ROBO1: variants seen among roughly 807,000 people sequenced by gnomAD.
ROBO1 encodes the protein roundabout homolog 1.
ROBO1 carries 149 observed loss-of-function variants against 195.9 expected under a neutral mutation model. The observed-to-expected ratio is 0.76, with a 90% confidence interval of 0.67 to 0.87. ROBO1 has a LOEUF of 0.87. Ranked by LOEUF, ROBO1 falls within the 40% of genes least tolerant of loss-of-function variation. The pLI is 0.00. For synonymous variants in ROBO1, 816 were observed against 733.2 expected (o/e 1.11, Z -1.82); for missense variants, 1,933 against 2,068.3 (o/e 0.93, Z 1.27).
chr3:79,534,616 T>G (rs1479356461), intron 2 of ROBO1, among the ~76,000 whole-genome samples: 1 of 152,194 alleles, frequency 6.6e-6, no homozygotes, highest in African/African-American at 2.4e-5. Flanking sequence ...TCTTAATCAT[T>G]TCTTTTATAC....
At chr3:79,435,223 T>C (rs150307838) in intron 2 of ROBO1, among the ~76,000 whole-genome samples, 1,630 of 152,074 alleles carry the variant, frequency 0.011, 30 homozygotes, top group African/African-American at 0.037. Flanking sequence ...AAAAAATAAA[T>C]AAATAAAAAT....
intron 4 of ROBO1, among the ~76,000 whole-genome samples, chr3:78,851,161 T>C (rs2034038865): frequency 1.3e-5 from 2 of 152,132 alleles, no homozygotes; most frequent in Non-Finnish European, 2.9e-5. Context: ...GTCCTTCTTA[T>C]TGGTCTATTT....
intron 4 of ROBO1, among the ~76,000 whole-genome samples, chr3:78,812,699 GTTC>G (rs2108634561): frequency 6.6e-6 from 1 of 152,006 alleles, no homozygotes; most frequent in South Asian, 2.1e-4. Context: ...AATCTGCTTT[GTTC>G]TTTTGTCACC....
chr3:79,685,232 G>A (rs1947065694), intron 1 of ROBO1, among the ~76,000 whole-genome samples: 1 of 152,114 alleles, frequency 6.6e-6, no homozygotes, highest in Non-Finnish European at 1.5e-5. Context: ...CCTTTTCTGA[G>A]GGCCTCTGTG....
chr3:78,970,549 C>G (rs1479767033), intron 3 of ROBO1, among the ~76,000 whole-genome samples: 1 of 152,014 alleles, frequency 6.6e-6, no homozygotes, highest in Non-Finnish European at 1.5e-5. Context: ...ATCACTTCCC[C>G]AAATCTGAAA....
At chr3:78,961,994 T>C (rs1388440333) in intron 3 of ROBO1, among the ~76,000 whole-genome samples, 1 of 151,910 alleles carries the variant, frequency 6.6e-6, no homozygotes, top group Non-Finnish European at 1.5e-5. Context: ...TCTTCATCCA[T>C]AAAATGAGGT....
chr3:79,628,298 C>T (rs1401959312), intron 1 of ROBO1, among the ~76,000 whole-genome samples: 1 of 152,142 alleles, frequency 6.6e-6, no homozygotes, highest in African/African-American at 2.4e-5. Context: ...GAATACTATG[C>T]TGCCATAAAA....
chr3:79,162,731 A>G (rs1442559599), intron 2 of ROBO1, among the ~76,000 whole-genome samples: 1 of 152,166 alleles, frequency 6.6e-6, no homozygotes, highest in Non-Finnish European at 1.5e-5. Flanking sequence ...AGTATCTGTG[A>G]AACATTGTCT....
chr3:78,602,040 G>A (rs1300503046), intron 29 of ROBO1, among the ~76,000 whole-genome samples: 1 of 35,542 alleles, frequency 2.8e-5, no homozygotes, highest in Non-Finnish European at 6.2e-5. Context: ...TCATTCATGT[G>A]TGTGAGTGTG....
chr3:78,848,857 T>TGGGCAGAGAAAGCCA (rs1434919947), intron 4 of ROBO1, among the ~76,000 whole-genome samples: 3 of 152,074 alleles, frequency 2.0e-5, no homozygotes, highest in Non-Finnish European at 4.4e-5. Flanking sequence ...GTGTGGGGGC[T>TGGGCAGAGAAAGCCA]GGGCAGAGAA....
intron 2 of ROBO1, among the ~76,000 whole-genome samples, chr3:79,187,532 C>T (rs2081462517): frequency 6.6e-6 from 1 of 151,904 alleles, no homozygotes; most frequent in Non-Finnish European, 1.5e-5. Flanking sequence ...TAAATTTTGT[C>T]CAACACTGAA....
intron 4 of ROBO1, among the ~76,000 whole-genome samples, chr3:78,917,391 T>C (rs1559997859): frequency 6.6e-6 from 1 of 152,126 alleles, no homozygotes; most frequent in Non-Finnish European, 1.5e-5. Context: ...AAATATAAAG[T>C]ATTTTATTAA....
chr3:78,986,733 G>A (rs893109259), intron 3 of ROBO1, among the ~76,000 whole-genome samples: 2 of 152,104 alleles, frequency 1.3e-5, no homozygotes, highest in Non-Finnish European at 2.9e-5. Flanking sequence ...CAGCAACCCT[G>A]GCCTTTTGGG....
rs146346845 is a variant in ROBO1 at position 79,682,605 on chromosome 3, C to T, written c.-51+85147G>A. 3.0e-4 allele frequency among the ~76,000 whole-genome samples: 46 copies of T among 152,110 alleles called. No homozygotes were observed. The Middle Eastern group carries it at 0.014, about 45-fold the overall frequency. On this transcript the variant is annotated intron_variant, in intron 1 of 30. Transcript: ENST00000464233. The stretch of plus-strand genomic sequence containing the variant: ...TCTACTTGTCAATTTAAGAAAAGTA[C>T]TTTCCCCAGAGAAGGTCTCCTGATT...
At chr3:78,936,593 C>G (rs2039820340) in intron 4 of ROBO1, among the ~76,000 whole-genome samples, 1 of 151,932 alleles carries the variant, frequency 6.6e-6, no homozygotes, top group South Asian at 2.1e-4. Context: ...CGATTATCCC[C>G]TAGACAATAC....
chr3:79,437,344 G>A (rs1575824559), intron 2 of ROBO1, among the ~76,000 whole-genome samples: 1 of 151,816 alleles, frequency 6.6e-6, no homozygotes, highest in South Asian at 2.1e-4. Flanking sequence ...CTTCCCTTCC[G>A]TTCCTTTCTG....
chr3:79,031,274 T>C (rs1220335428), intron 3 of ROBO1, among the ~76,000 whole-genome samples: 1 of 152,178 alleles, frequency 6.6e-6, no homozygotes, highest in Non-Finnish European at 1.5e-5. Context: ...TATAGTCTAT[T>C]GATATGTTTC....
At position 78,670,201 on chromosome 3, in the gene ROBO1, ACTG is replaced by A; in HGVS notation, c.1440_1442del (p.Ser481del). ...TTCTCCACAGAATGGTGGGCACTGG[ACTG>A]CCTGTGGCCACACAGCTGAGGACGA... On this transcript the variant is annotated inframe_deletion, in exon 11 of 31. Transcript: ENST00000464233. 6.2e-7 allele frequency: 1 copy of A among 1,611,200 alleles called. No individual in the cohort carries two copies. The highest frequency in any genetic ancestry group is 8.5e-7 in the Non-Finnish European group (1 of 1,178,690).
intron 3 of ROBO1, among the ~76,000 whole-genome samples, chr3:78,967,582 T>C (rs1294770761): frequency 3.9e-5 from 6 of 152,330 alleles, no homozygotes; most frequent in South Asian, 4.1e-4. Context: ...GCATTAGATG[T>C]ATCTTGTTAA....
Sources: allele counts gnomAD v4.1 joint callset (sites outside exome capture counted in the v4.1 genomes callset), GRCh38; gene constraint gnomAD v4.1.1; transcripts MANE v1.5; gene names NCBI Gene and HGNC (gene_info 2026-07-23, HGNC 2026-07-21).